CHST11: variants seen among roughly 807,000 people sequenced by gnomAD.
CHST11 encodes carbohydrate sulfotransferase 11.
Under a neutral mutation model 30.4 loss-of-function variants are expected in CHST11, and 9 were observed. That is an observed-to-expected ratio of 0.30 (90% confidence interval 0.18 to 0.52). The LOEUF is 0.52. Ranked by LOEUF, CHST11 falls within the 20% of genes least tolerant of loss-of-function variation. CHST11 has a pLI of 0.97. For missense variants in CHST11, 348 were observed against 460.6 expected, an observed-to-expected ratio of 0.76 and a Z score of 2.24; for synonymous variants, 152 against 187.8, an observed-to-expected ratio of 0.81 and a Z score of 1.56.
intron 1 of CHST11, among the ~76,000 whole-genome samples, chr12:104,518,282 G>A (rs1592742233): frequency 1.3e-5 from 2 of 152,062 alleles, no homozygotes; most frequent in East Asian, 3.9e-4. Context: ...GCGAGACCCT[G>A]TCTCAAAAAA....
chr12:104,562,746 G>A (rs1027271314), intron 1 of CHST11, among the ~76,000 whole-genome samples: 15 of 152,176 alleles, frequency 9.9e-5, no homozygotes, highest in African/African-American at 1.7e-4. Context: ...CCCAGGGTCC[G>A]GTAGCTACGT....
intron 1 of CHST11, among the ~76,000 whole-genome samples, chr12:104,583,676 A>G (rs7298728): frequency 0.41 from 61,857 of 151,726 alleles, 12,837 homozygotes; most frequent in East Asian, 0.62. Flanking sequence ...AAATATGCAG[A>G]AATTAAACAA....
chr12:104,720,622 G>A (rs754049378), intron 2 of CHST11, among the ~76,000 whole-genome samples: 1 of 152,170 alleles, frequency 6.6e-6, no homozygotes, highest in Non-Finnish European at 1.5e-5. Context: ...GACGTGCTGC[G>A]GTCGGCAGCC....
intron 1 of CHST11, among the ~76,000 whole-genome samples, chr12:104,488,607 G>GTGCA: frequency 1.3e-5 from 2 of 148,974 alleles, no homozygotes; most frequent in African/African-American, 5.0e-5. Flanking sequence ...ATGCGTATGT[G>GTGCA]TGTATGTATG....
chr12:104,462,954 G>A (rs868189149), intron 1 of CHST11, among the ~76,000 whole-genome samples: 1 of 152,184 alleles, frequency 6.6e-6, no homozygotes, highest in African/African-American at 2.4e-5. Context: ...AAATAAAAAG[G>A]GGTGATCAGG....
At chr12:104,663,057 C>G (rs2136089341) in intron 2 of CHST11, among the ~76,000 whole-genome samples, 1 of 152,310 alleles carries the variant, frequency 6.6e-6, no homozygotes, top group Non-Finnish European at 1.5e-5. Context: ...CCAACTGTTC[C>G]CCTAGAAAAA....
At position 104,691,632 on chromosome 12, in the gene CHST11, C is replaced by T. The variant is rs148930106; in HGVS notation, c.205-65317C>T. ...CCTCCCAAGTAGCTGGGATTACAGG[C>T]ATGCGCCACAGTGCCCAGCTAATTT... On this transcript the variant is annotated intron_variant, in intron 2 of 2. Transcript: ENST00000303694. Among the ~76,000 whole-genome samples, 338 of 152,100 alleles carry T rather than the reference C, an allele frequency of 2.2e-3. 2 individuals are homozygous for T. Among genetic ancestry groups the T allele is most frequent in the African/African-American group, 7.6e-3 (314 of 41,480 alleles).
rs148647752 is a variant in CHST11, at chr12:104,717,720, G to A, written c.205-39229G>A. Among the ~76,000 whole-genome samples the A allele has an allele frequency of 3.8e-3, 580 of 151,884 alleles. 8 individuals carry two copies. Among genetic ancestry groups the A allele is most frequent in the African/African-American group, 0.013 (557 of 41,402 alleles). Reference sequence around the variant, plus strand: ...TGGGAGGCGGAGGTTGCAGTGAGCCGATATCACGCCACTGCACTCCAGCCT... The same window carrying A: ...TGGGAGGCGGAGGTTGCAGTGAGCCAATATCACGCCACTGCACTCCAGCCT... On this transcript the variant is annotated intron_variant, in intron 2 of 2. Transcript: ENST00000303694.
intron 1 of CHST11, among the ~76,000 whole-genome samples, chr12:104,571,882 C>T (rs1052723343): frequency 4.6e-5 from 7 of 152,130 alleles, no homozygotes; most frequent in African/African-American, 9.7e-5. Flanking sequence ...TTTTGAGATA[C>T]GTCCCATCAA....
At chr12:104,662,305 T>C (rs1166967950) in intron 2 of CHST11, among the ~76,000 whole-genome samples, 5 of 152,212 alleles carry the variant, frequency 3.3e-5, no homozygotes, top group African/African-American at 7.2e-5. Context: ...GTTTCTCATC[T>C]TAAAGGCTGG....
At chr12:104,562,277 T>C (rs1346775144) in intron 1 of CHST11, among the ~76,000 whole-genome samples, 1 of 152,102 alleles carries the variant, frequency 6.6e-6, no homozygotes, top group African/African-American at 2.4e-5. Context: ...TGGGCAGGGT[T>C]AGGAAAACCA....
chr12:104,516,247 C>T (rs1370310088), intron 1 of CHST11, among the ~76,000 whole-genome samples: 1 of 152,142 alleles, frequency 6.6e-6, no homozygotes, highest in Non-Finnish European at 1.5e-5. Flanking sequence ...CCCCTAGGGG[C>T]AAAATTGGGG....
chr12:104,508,632 C>T (rs1592737161), intron 1 of CHST11, among the ~76,000 whole-genome samples: 1 of 152,264 alleles, frequency 6.6e-6, no homozygotes, highest in African/African-American at 2.4e-5. Context: ...GAAATCTTGA[C>T]CATTTTCCAT....
intron 1 of CHST11, among the ~76,000 whole-genome samples, chr12:104,516,257 G>A (rs997953674): frequency 3.9e-5 from 6 of 152,160 alleles, no homozygotes; most frequent in African/African-American, 1.4e-4. Flanking sequence ...CAAAATTGGG[G>A]CAAATGTTAG....
chr12:104,608,427 A>G (rs1566006072), intron 2 of CHST11, among the ~76,000 whole-genome samples: 1 of 152,084 alleles, frequency 6.6e-6, no homozygotes, highest in Non-Finnish European at 1.5e-5. Context: ...GTTCACTAAA[A>G]CCTTGGCACT....
At chr12:104,504,595 G>A (rs1383525786) in intron 1 of CHST11, among the ~76,000 whole-genome samples, 1 of 152,182 alleles carries the variant, frequency 6.6e-6, no homozygotes, top group African/African-American at 2.4e-5. Flanking sequence ...GGGTCCCTGG[G>A]AGTGTTCTCG....
At chr12:104,460,360 G>A (rs2037395756) in intron 1 of CHST11, among the ~76,000 whole-genome samples, 1 of 152,004 alleles carries the variant, frequency 6.6e-6, no homozygotes, top group Non-Finnish European at 1.5e-5. Context: ...TATGAGAGGA[G>A]GGAGAGAAAG....
At chr12:104,648,033 C>T (rs2039451938) in intron 2 of CHST11, among the ~76,000 whole-genome samples, 1 of 152,172 alleles carries the variant, frequency 6.6e-6, no homozygotes, top group Non-Finnish European at 1.5e-5. Context: ...CATGCTGTCA[C>T]TTGCATGGTA....
At chr12:104,592,277 C>A (rs997203319) in intron 1 of CHST11, among the ~76,000 whole-genome samples, 2 of 152,094 alleles carry the variant, frequency 1.3e-5, no homozygotes, top group African/African-American at 2.4e-5. Context: ...CAGGGTGCTA[C>A]AACAAAATAC....
Sources: gnomAD v4.1 joint callset for allele counts (sites outside exome capture counted in the v4.1 genomes callset) on GRCh38, gnomAD v4.1.1 for gene constraint, MANE v1.5 for transcripts, NCBI Gene and HGNC (gene_info 2026-07-23, HGNC 2026-07-21) for gene names.